YES1: variants seen among roughly 807,000 people sequenced by gnomAD.
YES1 encodes the protein YES proto-oncogene 1, Src family tyrosine kinase.
YES1 carries 39 observed loss-of-function variants against 70.4 expected under a neutral mutation model. The observed-to-expected ratio is 0.55, with a 90% CI of 0.43 to 0.72. The LOEUF (loss-of-function observed/expected upper bound fraction) is 0.72. Among genes scored for constraint, YES1 ranks in the 30% least tolerant of loss-of-function variants. YES1 has a pLI of 0.00. For missense variants in YES1, 495 were observed against 644.8 expected (o/e 0.77, Z 2.52); for synonymous variants, 198 against 218.6 (o/e 0.91, Z 0.83).
intron 10 of YES1, chr18:736,312 CT>C (rs764369917): frequency 1.3e-5 from 2 of 154,736 alleles, no homozygotes; most frequent in African/African-American, 4.9e-5. Context: ...CATTTTGGGC[CT>C]GATAATTCTG....
chr18:735,252 T>C (rs753222928), intron 10 of YES1, among the ~76,000 whole-genome samples: 3 of 151,532 alleles, frequency 2.0e-5, no homozygotes, highest in Non-Finnish European at 4.4e-5. Flanking sequence ...CCAATCTAAA[T>C]GACCATTGAC....
rs1318209829 is a variant in YES1 at position 756,501 on chromosome 18, T to C, written c.271+56A>G. Reference sequence around the variant, plus strand: ...TAAAGGCAGACAAGCCTTAAGTATATATTACCCAAGGTGATGTTCTCAAAC... The same window carrying C: ...TAAAGGCAGACAAGCCTTAAGTATACATTACCCAAGGTGATGTTCTCAAAC... On this transcript the variant is annotated intron_variant, in intron 2 of 11. Transcript: ENST00000314574. 4 of 1,591,428 alleles carry C rather than the reference T, an allele frequency of 2.5e-6. No individual in the cohort carries two copies. In the African/African-American group the frequency reaches 5.4e-5, roughly 21 times the overall value.
intron 1 of YES1, among the ~76,000 whole-genome samples, chr18:784,467 T>C (rs1032375212): frequency 6.6e-6 from 1 of 152,232 alleles, no homozygotes; most frequent in Non-Finnish European, 1.5e-5. Flanking sequence ...CTATTAATTA[T>C]TGCTGCTACA....
At chr18:767,734 C>T (rs1027302035) in intron 1 of YES1, among the ~76,000 whole-genome samples, 1 of 152,104 alleles carries the variant, frequency 6.6e-6, no homozygotes, top group Non-Finnish European at 1.5e-5. Context: ...CAGAGTCTCG[C>T]TCTGTGCCTA....
intron 2 of YES1, among the ~76,000 whole-genome samples, chr18:754,110 G>C (rs562901062): frequency 6.6e-6 from 1 of 152,276 alleles, no homozygotes; most frequent in African/African-American, 2.4e-5. Context: ...ACAGATGTCA[G>C]AGTCAGTTTT....
rs1165628097 is a variant in YES1 at position 722,045 on chromosome 18, T to C, written c.*2379A>G. ...TTTATCCCTACTATACAATTGTTAT[T>C]ATATAAGGAACTGCTCCATTCAGTT... On this transcript the variant is annotated 3_prime_UTR_variant, in exon 12 of 12. Coordinates refer to ENST00000314574, the MANE Select transcript of YES1 (RefSeq NM_005433.4). The C allele has an allele frequency of 1.3e-5, 2 of 152,644 alleles. No homozygotes were observed. Among genetic ancestry groups the C allele is most frequent in the Non-Finnish European group, 2.9e-5 (2 of 68,046 alleles). The allele number at this position is 152,644 out of a possible 1,614,324, so 9.5% of individuals were successfully genotyped here. A position where few individuals can be genotyped will look rare whatever the true frequency, so the allele number is the denominator to read the frequency against.
intron 11 of YES1, among the ~76,000 whole-genome samples, chr18:726,897 C>T (rs1013975740): frequency 6.6e-6 from 1 of 150,778 alleles, no homozygotes; most frequent in East Asian, 1.9e-4. Flanking sequence ...TTATTACTAT[C>T]CCCAAATAAG....
At chr18:786,496 T>TACACACACAC (rs56410052) in intron 1 of YES1, among the ~76,000 whole-genome samples, 4,250 of 139,450 alleles carry the variant, frequency 0.03, 94 homozygotes, top group South Asian at 0.067. Context: ...AATAAGTCCA[T>TACACACACAC]ACACACACAC....
At chr18:804,045 A>G (rs144961975) in intron 1 of YES1, among the ~76,000 whole-genome samples, 5 of 152,320 alleles carry the variant, frequency 3.3e-5, no homozygotes, top group East Asian at 1.9e-4. Flanking sequence ...TAGAAAATCT[A>G]TTTTACAAAC....
At chr18:775,042 T>G (rs1298555450) in intron 1 of YES1, 6 of 152,224 alleles carry the variant, frequency 3.9e-5, no homozygotes, top group Non-Finnish European at 8.8e-5. Context: ...GTGCAAAGTC[T>G]GAGTCCGTCA....
At position 787,350 on chromosome 18, in the gene YES1, C is replaced by T. The variant is rs528292620; in HGVS notation, c.-9+24764G>A. Reference sequence around the variant, plus strand: ...CTGACCTCAGGTGGTCCGCCCGCCTCGGCCTCCCAAAATGCTGGGGTACAG... The same window carrying T: ...CTGACCTCAGGTGGTCCGCCCGCCTTGGCCTCCCAAAATGCTGGGGTACAG... On this transcript the variant is annotated intron_variant, in intron 1 of 11. Transcript: ENST00000314574. Among the ~76,000 whole-genome samples the T allele has an allele frequency of 5.3e-4, 80 of 151,540 alleles. 1 individual carries two copies. The highest frequency in any genetic ancestry group is 1.5e-3 in the African/African-American group (62 of 41,474).
At position 721,738 on chromosome 18, in the gene YES1, C is replaced by T. The variant is rs1418787305; in HGVS notation, c.*2686G>A. 1 of 152,022 alleles carries T rather than the reference C, an allele frequency of 6.6e-6. No homozygotes were observed. The highest frequency in any genetic ancestry group is 2.4e-5 in the African/African-American group (1 of 41,360). 9.4% of individuals were successfully genotyped at this position (152,022 alleles called of 1,614,324 possible). On this transcript the variant is annotated 3_prime_UTR_variant, in exon 12 of 12. Coordinates refer to ENST00000314574, the MANE Select transcript of YES1 (RefSeq NM_005433.4). ...ATGAGAATATGAATAGCAACTAAAA[C>T]GATTAATAGGTGCATTCAATGAGAA...
chr18:786,227 C>A (rs1319377980), intron 1 of YES1, among the ~76,000 whole-genome samples: 1 of 116,266 alleles, frequency 8.6e-6, no homozygotes, highest in Non-Finnish European at 1.6e-5. Context: ...AGGAATTACT[C>A]AAATCACCAG....
intron 1 of YES1, among the ~76,000 whole-genome samples, chr18:805,507 T>C (rs1907054282): frequency 6.6e-6 from 1 of 152,182 alleles, no homozygotes; most frequent in Non-Finnish European, 1.5e-5. Context: ...GCTGAGAAAC[T>C]ATTAGAAACC....
intron 11 of YES1, 23 bp from the exon 12 acceptor site, chr18:724,655 T>C (rs900505335): frequency 1.3e-6 from 2 of 1,598,854 alleles, no homozygotes; most frequent in Admixed American, 3.3e-5. Flanking sequence ...ATTAAAACAT[T>C]AAAGAACAAT....
Position 756,700 on chromosome 18 carries a change from G to A in YES1, c.128C>T (p.Pro43Leu), listed in dbSNP as rs765855267. ...GAEPTTVSPC[P>L]SSSAKGTAVN... ...TGCTGTTCCCTTTGCTGAAGATGAC[G>A]GACATGGTGACACTGTAGTGGGTTC... is the stretch of plus-strand genomic sequence containing the variant. The change falls in exon 2 of 12, where the codon CCG becomes CTG. Residue 43 changes from proline (P) to leucine (L), a missense_variant. By Grantham distance (98) the Pro-to-Leu change is moderately conservative. Coordinates refer to ENST00000314574, the MANE Select transcript of YES1 (RefSeq NM_005433.4). The A allele has an allele frequency of 9.3e-6, 15 of 1,614,168 alleles. No individual in the cohort carries two copies. The highest frequency in any genetic ancestry group is 2.2e-5 in the South Asian group (2 of 91,074).
At chr18:756,866 A>G (rs1056981539) in intron 1 of YES1, 31 bp from the exon 2 acceptor site, 65 of 1,587,284 alleles carry the variant, frequency 4.1e-5, no homozygotes, top group Non-Finnish European at 5.5e-5. Context: ...TTTGAGAGTC[A>G]GTTAACACAC....
intron 1 of YES1, among the ~76,000 whole-genome samples, chr18:792,736 G>A (rs1906333144): frequency 6.6e-6 from 1 of 151,946 alleles, no homozygotes; most frequent in Non-Finnish European, 1.5e-5. Context: ...TGAGAAGGGA[G>A]GATTGCTTGA....
chr18:772,411 T>C (rs1193165989), intron 1 of YES1, among the ~76,000 whole-genome samples: 1 of 151,890 alleles, frequency 6.6e-6, no homozygotes, highest in Non-Finnish European at 1.5e-5. Flanking sequence ...CCTACCATAA[T>C]GTGGATTAAG....
Sources: gnomAD v4.1 joint callset for allele counts (sites outside exome capture counted in the v4.1 genomes callset) on GRCh38, gnomAD v4.1.1 for gene constraint, MANE v1.5 for transcripts, NCBI Gene and HGNC (gene_info 2026-07-23, HGNC 2026-07-21) for gene names.